RELN: variants seen among roughly 807,000 people sequenced by gnomAD.
RELN encodes the protein reelin.
In RELN, 108 loss-of-function variants were observed where a neutral mutation model predicts 427.6. The ratio of observed to expected loss-of-function variants is 0.25; its 90% CI spans 0.22 to 0.30. The LOEUF (loss-of-function observed/expected upper bound fraction) is 0.30, where lower values mean the gene tolerates loss of function less well. Among genes scored for constraint, RELN ranks in the 10% least tolerant of loss-of-function variants. The probability of loss-of-function intolerance (pLI) is 1.00; values close to 1 mark genes in which losing one functional copy is unlikely to be tolerated. For missense variants in RELN, 3,715 were observed against 4,302.8 expected (o/e 0.86, Z 3.82); for synonymous variants, 1,524 against 1,513.4 (o/e 1.01, Z -0.16).
chr7:103,500,419 C>A (rs541344973), intron 53 of RELN, among the ~76,000 whole-genome samples: 1 of 151,278 alleles, frequency 6.6e-6, no homozygotes, highest in Non-Finnish European at 1.5e-5. Context: ...TCAAATAGTG[C>A]ATCAATTGAA....
rs533543635 is a variant in RELN, at chr7:103,905,084, G to T, written c.337+11991C>A. Among the ~76,000 whole-genome samples the T allele has an allele frequency of 5.4e-5, 8 of 146,880 alleles. No homozygotes were observed. The Admixed American group carries it at 5.6e-4, about 10-fold the overall frequency. On this transcript the variant is annotated intron_variant, in intron 2 of 64. Coordinates refer to ENST00000428762, the MANE Select transcript of RELN (RefSeq NM_005045.4). ...CAACATCTGCCTCCGGGGTTCAAGT[G>T]ATTCTCCTGTCTCAGCCTCCTGAGT...
At position 103,490,836 on chromosome 7, in the gene RELN, A is replaced by G. The variant is rs905003547; in HGVS notation, c.9444-7T>C. ...GAGCTGCCAGGAATCCGATCTGCAG[A>G]AACCAAAAGGCTTTGTTAGACAAAT... is the stretch of plus-strand genomic sequence containing the variant. On this transcript the variant is annotated splice_region_variant and splice_polypyrimidine_tract_variant and intron_variant, in intron 58 of 64. Transcript: ENST00000428762. 7 of 1,614,050 alleles carry G rather than the reference A, an allele frequency of 4.3e-6. No homozygotes were observed. The Admixed American group carries it at 8.3e-5, about 19-fold the overall frequency.
At chr7:103,650,494 T>G in intron 15 of RELN, 111 bp from the exon 16 acceptor site, 1 of 758,822 alleles carries the variant, frequency 1.3e-6, no homozygotes, top group Non-Finnish European at 2.4e-6. Context: ...AGCACTAAAG[T>G]TTACCAATAA....
chr7:103,712,047 A>G (rs561178537), intron 8 of RELN, among the ~76,000 whole-genome samples: 1 of 152,294 alleles, frequency 6.6e-6, no homozygotes, highest in South Asian at 2.1e-4. Context: ...AGCCAGAGAG[A>G]ACCAGAAACT....
At chr7:103,637,914 T>C (rs1832617451) in intron 17 of RELN, among the ~76,000 whole-genome samples, 1 of 152,206 alleles carries the variant, frequency 6.6e-6, no homozygotes, top group Non-Finnish European at 1.5e-5. Flanking sequence ...AAATGTGTCT[T>C]CTCAGGACAA....
At chr7:103,696,882 A>T (rs1833987410) in intron 10 of RELN, among the ~76,000 whole-genome samples, 1 of 152,148 alleles carries the variant, frequency 6.6e-6, no homozygotes, top group Admixed American at 6.6e-5. Context: ...ATAAAAATTC[A>T]AACTCTACAG....
chr7:103,978,760 T>C (rs1474282027), intron 1 of RELN, among the ~76,000 whole-genome samples: 1 of 152,244 alleles, frequency 6.6e-6, no homozygotes, highest in African/African-American at 2.4e-5. Flanking sequence ...ATGTTTAAAA[T>C]ATTTCGGAAT....
At chr7:103,518,711 C>A (rs1829633028) in intron 49 of RELN, among the ~76,000 whole-genome samples, 1 of 151,860 alleles carries the variant, frequency 6.6e-6, no homozygotes, top group Non-Finnish European at 1.5e-5. Flanking sequence ...CTCTCTCTCT[C>A]ATTCTTTCTG....
At chr7:103,763,838 G>A (rs1358335985) in intron 4 of RELN, among the ~76,000 whole-genome samples, 7 of 152,008 alleles carry the variant, frequency 4.6e-5, no homozygotes, top group Admixed American at 2.0e-4. Flanking sequence ...GGAAACAGAG[G>A]GCAGTTATAG....
chr7:103,681,040 T>C (rs188528038), intron 11 of RELN, among the ~76,000 whole-genome samples: 21 of 152,254 alleles, frequency 1.4e-4, no homozygotes, highest in African/African-American at 3.6e-4. Flanking sequence ...AAAGACCCCA[T>C]TGTGGCAGCA....
chr7:103,853,833 A>ATAGAGGAACCCAGTAAAAAATGGC (rs1317927202), intron 2 of RELN, among the ~76,000 whole-genome samples: 5 of 152,098 alleles, frequency 3.3e-5, no homozygotes, highest in African/African-American at 7.2e-5. Flanking sequence ...AAGTTTACTA[A>ATAGAGGAACCCAGTAAAAAATGGC]TAGAGGAACC....
intron 64 of RELN, among the ~76,000 whole-genome samples, chr7:103,475,611 A>G (rs1024559): frequency 0.013 from 1,939 of 152,248 alleles, 40 homozygotes; most frequent in African/African-American, 0.044. Context: ...TGTTATCTCA[A>G]TGCAACCTAG....
intron 10 of RELN, among the ~76,000 whole-genome samples, chr7:103,697,385 C>T (rs1833997875): frequency 6.6e-6 from 1 of 152,214 alleles, no homozygotes; most frequent in East Asian, 1.9e-4. Context: ...ACTGTTCAGC[C>T]TCTACTTGGA....
rs1462369530 is a variant in RELN at position 103,520,954 on chromosome 7, G to GTTTTTTTTTTTTTTTTTTTTTTTTTTTT, written c.7668+1067_7668+1068insAAAAAAAAAAAAAAAAAAAAAAAAAAAA. Among the ~76,000 whole-genome samples, 3 of 78,190 alleles carry GTTTTTTTTTTTTTTTTTTTTTTTTTTTT rather than the reference G, an allele frequency of 3.8e-5. 1 individual carries two copies. Among genetic ancestry groups the GTTTTTTTTTTTTTTTTTTTTTTTTTTTT allele is most frequent in the African/African-American group, 1.0e-4 (2 of 19,932 alleles). The allele number at this position is 78,190 out of a possible 152,430, so 51.3% of individuals were successfully genotyped here. A position where few individuals can be genotyped will look rare whatever the true frequency, so the allele number is the denominator to read the frequency against. ...GAAATAAAGAGCTGGCAGTAAATTT[G>GTTTTTTTTTTTTTTTTTTTTTTTTTTTT]TTATTTTTTTTTTTTTTTTTTTTTT... On this transcript the variant is annotated intron_variant, in intron 48 of 64. Coordinates refer to ENST00000428762, the MANE Select transcript of RELN (RefSeq NM_005045.4).
rs1221380627 is a variant in RELN at position 103,636,317 on chromosome 7, A to G, written c.2221T>C (p.Leu741=). 1.2e-6 allele frequency: 2 copies of G among 1,613,938 alleles called. No individual in the cohort carries two copies. Among genetic ancestry groups the G allele is most frequent in the East Asian group, 2.2e-5 (1 of 44,836 alleles). Residue 741 remains leucine, a synonymous_variant, in exon 18 of 65, where the codon TTG becomes CTG. Transcript: ENST00000428762. ...GAEVSFGCGV[L]ASGKALVFNK... ...AAAACCAGGGCCTTACCACTGGCCA[A>G]GACACCACAACCAAAGCTGACTTCA...
intron 11 of RELN, among the ~76,000 whole-genome samples, chr7:103,661,925 T>G (rs2117414504): frequency 6.6e-6 from 1 of 152,322 alleles, no homozygotes; most frequent in Admixed American, 6.5e-5. Flanking sequence ...TTGTATGATG[T>G]TTTACCTATT....
At chr7:103,778,411 T>A (rs1791800265) in intron 3 of RELN, among the ~76,000 whole-genome samples, 1 of 152,200 alleles carries the variant, frequency 6.6e-6, no homozygotes, top group Non-Finnish European at 1.5e-5. Context: ...ACAGGCAATG[T>A]TTAAATAACT....
Position 103,872,043 on chromosome 7 carries a change from CTTTTTTTTCTTT to C in RELN, c.338-38383_338-38372del, listed in dbSNP as rs1262694590. ...ATATATATATATATTTTTCTTTTTT[CTTTTTTTTCTTT>C]TTTTATTTATTTATTTTTTTATTAT... On this transcript the variant is annotated intron_variant, in intron 2 of 64. Transcript: ENST00000428762. Among the ~76,000 whole-genome samples the C allele has an allele frequency of 2.4e-4, 29 of 119,554 alleles. No individual in the cohort carries two copies. The East Asian group carries it at 2.8e-3, about 11-fold the overall frequency. The allele number at this position is 119,554 out of a possible 152,430, so 78.4% of individuals were successfully genotyped here.
At chr7:103,596,869 T>G (rs1831549881) in intron 24 of RELN, among the ~76,000 whole-genome samples, 1 of 152,208 alleles carries the variant, frequency 6.6e-6, no homozygotes, top group South Asian at 2.1e-4. Context: ...AATGTCTACA[T>G]TACTGATTCC....
Sources: gnomAD v4.1 joint callset for allele counts (sites outside exome capture counted in the v4.1 genomes callset) on GRCh38, gnomAD v4.1.1 for gene constraint, MANE v1.5 for transcripts, NCBI Gene and HGNC (gene_info 2026-07-23, HGNC 2026-07-21) for gene names.